Variants in PAK1 observed in about 807,000 individuals in gnomAD.
PAK1 encodes the protein p21 (RAC1) activated kinase 1, also known as serine/threonine-protein kinase PAK 1.
Under a neutral mutation model 67.4 loss-of-function variants are expected in PAK1, and 29 were observed. The observed-to-expected ratio is 0.43, with a 90% CI of 0.32 to 0.59. The LOEUF (loss-of-function observed/expected upper bound fraction) is 0.59, where lower values mean the gene tolerates loss of function less well. Ranked by LOEUF, PAK1 falls within the 20% of genes least tolerant of loss-of-function variation. The pLI is 0.07. For missense variants in PAK1, 337 were observed against 670.7 expected (o/e 0.50, Z 5.50); for synonymous variants, 223 against 237.4 (o/e 0.94, Z 0.56).
chr11:77,401,081 C>T (rs1952617316), intron 1 of PAK1, among the ~76,000 whole-genome samples: 1 of 152,176 alleles, frequency 6.6e-6, no homozygotes, highest in African/African-American at 2.4e-5. Context: ...AGAAATAAAA[C>T]CTGTTCCATA....
At chr11:77,485,148 A>C in the PAK1 span, among the ~76,000 whole-genome samples, 1 of 152,232 alleles carries the variant, frequency 6.6e-6, no homozygotes, top group South Asian at 2.1e-4. Context: ...AAACCATATC[A>C]GTTACCAAAA....
At chr11:77,489,897 T>C in the PAK1 span, among the ~76,000 whole-genome samples, 1 of 152,170 alleles carries the variant, frequency 6.6e-6, no homozygotes, top group South Asian at 2.1e-4. Flanking sequence ...GAAGCGTCTC[T>C]GCCTGGCCGC....
chr11:77,520,564 C>T, the PAK1 span, among the ~76,000 whole-genome samples: 1 of 152,140 alleles, frequency 6.6e-6, no homozygotes, highest in Non-Finnish European at 1.5e-5. Context: ...CTTCTGGGTT[C>T]CCTACCCCAA....
At chr11:77,462,773 A>G (rs555455507) in intron 1 of PAK1, among the ~76,000 whole-genome samples, 1 of 151,138 alleles carries the variant, frequency 6.6e-6, no homozygotes, top group South Asian at 2.1e-4. Flanking sequence ...AAGAGGTTGC[A>G]GTGAGCCGAG....
At chr11:77,521,643 T>A in the PAK1 span, among the ~76,000 whole-genome samples, 1 of 152,164 alleles carries the variant, frequency 6.6e-6, no homozygotes, top group African/African-American at 2.4e-5. Flanking sequence ...AAGAAAAGGA[T>A]GTCTTGTGAC....
chr11:77,324,808 AAG>A (rs1054534496), intron 14 of PAK1, among the ~76,000 whole-genome samples: 5 of 136,490 alleles, frequency 3.7e-5, no homozygotes, highest in Admixed American at 3.4e-4. Flanking sequence ...GAGAGAGAGA[AAG>A]AGAAAGAGAG....
chr11:77,499,588 A>C, the PAK1 span, among the ~76,000 whole-genome samples: 1 of 151,866 alleles, frequency 6.6e-6, no homozygotes, highest in African/African-American at 2.4e-5. Flanking sequence ...TTTCATGCCC[A>C]CTCTGCCCTT....
chr11:77,460,865 G>A (rs1957313405), intron 1 of PAK1, among the ~76,000 whole-genome samples: 1 of 152,146 alleles, frequency 6.6e-6, no homozygotes, highest in African/African-American at 2.4e-5. Context: ...TCTGGAGGGT[G>A]GGGGCAGAGA....
chr11:77,459,057 T>C (rs538191311), intron 1 of PAK1, among the ~76,000 whole-genome samples: 1 of 152,308 alleles, frequency 6.6e-6, no homozygotes, highest in East Asian at 1.9e-4. Context: ...AATTCCAGGC[T>C]GAGGGAACAG....
intron 1 of PAK1, among the ~76,000 whole-genome samples, chr11:77,445,947 G>C (rs550895907): frequency 6.6e-6 from 1 of 152,142 alleles, no homozygotes; most frequent in Non-Finnish European, 1.5e-5. Flanking sequence ...ATTCAGGGTT[G>C]AAACTGTCTC....
chr11:77,378,943 G>A (rs1461584576), intron 4 of PAK1, among the ~76,000 whole-genome samples: 3 of 152,142 alleles, frequency 2.0e-5, no homozygotes, highest in African/African-American at 7.2e-5. Context: ...GCAAAGAAAT[G>A]AAGTGACTGG....
At chr11:77,440,240 C>T (rs990488677) in intron 1 of PAK1, among the ~76,000 whole-genome samples, 2 of 151,994 alleles carry the variant, frequency 1.3e-5, no homozygotes, top group African/African-American at 4.8e-5. Context: ...TTCAAACATA[C>T]GAGAACAAAA....
the PAK1 span, among the ~76,000 whole-genome samples, chr11:77,484,109 G>A: frequency 6.6e-6 from 1 of 150,970 alleles, no homozygotes; most frequent in Non-Finnish European, 1.5e-5. Context: ...GGGTGCCATA[G>A]CAAACTGAAG....
intron 1 of PAK1, among the ~76,000 whole-genome samples, chr11:77,423,183 CATAA>C (rs1262670816): frequency 1.3e-5 from 2 of 151,404 alleles, no homozygotes; most frequent in Non-Finnish European, 2.9e-5. Context: ...GGTCTCTAAC[CATAA>C]ATAAATTCCT....
the PAK1 span, among the ~76,000 whole-genome samples, chr11:77,521,155 C>G: frequency 2.6e-5 from 4 of 152,114 alleles, no homozygotes; most frequent in Non-Finnish European, 5.9e-5. Flanking sequence ...CTTTTAATTT[C>G]TGTTATTGTC....
intron 1 of PAK1, among the ~76,000 whole-genome samples, chr11:77,450,830 T>TA (rs1404886116): frequency 6.6e-6 from 1 of 152,166 alleles, no homozygotes; most frequent in Non-Finnish European, 1.5e-5. Flanking sequence ...GTTTCCCAGT[T>TA]ACCAAGTTTC....
At chr11:77,394,358 G>A (rs1473437161) in intron 1 of PAK1, among the ~76,000 whole-genome samples, 4 of 152,028 alleles carry the variant, frequency 2.6e-5, no homozygotes, top group African/African-American at 4.8e-5. Flanking sequence ...GAAAATTAGT[G>A]ATCCCAATGC....
chr11:77,518,924 AATT>A, the PAK1 span, among the ~76,000 whole-genome samples: 1 of 152,204 alleles, frequency 6.6e-6, no homozygotes, highest in Non-Finnish European at 1.5e-5. Flanking sequence ...TAGATTCAAC[AATT>A]ATTAGAATTG....
intron 5 of PAK1, among the ~76,000 whole-genome samples, chr11:77,364,134 C>T (rs901092557): frequency 5.3e-5 from 8 of 152,332 alleles, no homozygotes; most frequent in African/African-American, 1.9e-4. Flanking sequence ...CTGGCTAAGG[C>T]TGTTCACAGG....
Sources: gnomAD v4.1 joint callset for allele counts (sites outside exome capture counted in the v4.1 genomes callset) on GRCh38, gnomAD v4.1.1 for gene constraint, MANE v1.5 for transcripts, NCBI Gene and HGNC (gene_info 2026-07-23, HGNC 2026-07-21) for gene names.